The following ZMYND11 variants were observed in gnomAD, a reference collection of about 807,000 sequenced individuals.
The protein encoded by ZMYND11 is zinc finger MYND-type containing 11, also known as zinc finger MYND domain-containing protein 11.
A neutral mutation model predicts 84.9 loss-of-function variants in ZMYND11; 9 were observed. The ratio of observed to expected loss-of-function variants is 0.11; its 90% CI spans 0.06 to 0.18. ZMYND11 has a LOEUF of 0.18. Ranked by LOEUF, ZMYND11 falls within the 10% of genes least tolerant of loss-of-function variation. ZMYND11 has a pLI of 1.00. For synonymous variants in ZMYND11, 250 were observed against 244.1 expected (o/e 1.02, Z -0.23); for missense variants, 409 against 761.0 (o/e 0.54, Z 5.44).
intron 2 of ZMYND11, among the ~76,000 whole-genome samples, chr10:194,394 A>G (rs971855029): frequency 1.3e-5 from 2 of 152,166 alleles, no homozygotes; most frequent in African/African-American, 2.4e-5. Flanking sequence ...CAAAACTACA[A>G]TATCCTTTCA....
chr10:154,469 T>G (rs1156722907), intron 1 of ZMYND11, among the ~76,000 whole-genome samples: 1 of 152,086 alleles, frequency 6.6e-6, no homozygotes, highest in African/African-American at 2.4e-5. Context: ...TATTACAGTA[T>G]GAGAATTGAA....
At chr10:233,526 C>T (rs61578244) in intron 4 of ZMYND11, among the ~76,000 whole-genome samples, 2 of 152,200 alleles carry the variant, frequency 1.3e-5, no homozygotes, top group African/African-American at 4.8e-5. Context: ...CTGAATGGTG[C>T]TCTGTTAAAA....
At chr10:200,114 T>C (rs1942778487) in intron 2 of ZMYND11, among the ~76,000 whole-genome samples, 1 of 151,396 alleles carries the variant, frequency 6.6e-6, no homozygotes, top group Admixed American at 6.6e-5. Context: ...TTTCTTTTTC[T>C]AAAACACTCT....
At chr10:207,401 G>A (rs542508142) in intron 2 of ZMYND11, among the ~76,000 whole-genome samples, 2 of 152,156 alleles carry the variant, frequency 1.3e-5, no homozygotes, top group African/African-American at 4.8e-5. Context: ...CTAGATCCCT[G>A]GGGAATCGCC....
intron 1 of ZMYND11, among the ~76,000 whole-genome samples, chr10:174,218 A>G (rs781873149): frequency 3.3e-5 from 5 of 152,210 alleles, no homozygotes; most frequent in African/African-American, 7.2e-5. Flanking sequence ...TTCAGTACTA[A>G]AAAGTAACAG....
intron 1 of ZMYND11, among the ~76,000 whole-genome samples, chr10:176,224 C>A (rs75200321): frequency 4.2e-4 from 64 of 152,162 alleles, no homozygotes; most frequent in African/African-American, 1.5e-3. Context: ...TAGAGAATAT[C>A]AGTATCACCT....
At chr10:242,173 T>C (rs1355759229) in intron 10 of ZMYND11, 34 bp downstream of exon 10, 18 of 1,611,392 alleles carry the variant, frequency 1.1e-5, no homozygotes, top group Non-Finnish European at 1.5e-5. Context: ...CGGTCACAGC[T>C]GTGCTTATGA....
chr10:241,281 G>A (rs1179797130), intron 9 of ZMYND11, among the ~76,000 whole-genome samples: 1 of 152,122 alleles, frequency 6.6e-6, no homozygotes, highest in East Asian at 1.9e-4. Context: ...AGGCTCAAGT[G>A]ATTCTCCCAC....
At position 253,549 on chromosome 10, in the gene ZMYND11, G is replaced by A. The variant is rs570462703; in HGVS notation, c.*1079G>A. On this transcript the variant is annotated 3_prime_UTR_variant, in exon 15 of 15. Coordinates refer to ENST00000381604, the MANE Select transcript of ZMYND11 (RefSeq NM_001370100.5). Reference sequence around the variant, plus strand: ...GATTTGTAAAAAGTCTGTATTTTGCGGAATGTCTGGATTAAGAAGCATTAC... The same window carrying A: ...GATTTGTAAAAAGTCTGTATTTTGCAGAATGTCTGGATTAAGAAGCATTAC... 2.0e-5 allele frequency: 3 copies of A among 152,610 alleles called. No individual in the cohort carries two copies. The highest frequency in any genetic ancestry group is 1.3e-4 in the Admixed American group (2 of 15,294). 9.5% of individuals were successfully genotyped at this position (152,610 alleles called of 1,614,324 possible).
At chr10:169,825 T>C (rs1210302728) in intron 1 of ZMYND11, among the ~76,000 whole-genome samples, 1 of 152,004 alleles carries the variant, frequency 6.6e-6, no homozygotes, top group Non-Finnish European at 1.5e-5. Flanking sequence ...AGATGTAATA[T>C]ATGTATAATG....
At chr10:232,857 A>G (rs1949238722) in intron 4 of ZMYND11, among the ~76,000 whole-genome samples, 1 of 152,244 alleles carries the variant, frequency 6.6e-6, no homozygotes, top group African/African-American at 2.4e-5. Context: ...CATATAAATG[A>G]GAGAAGTATT....
chr10:178,819 C>T (rs544969972), intron 1 of ZMYND11, among the ~76,000 whole-genome samples: 24 of 152,114 alleles, frequency 1.6e-4, no homozygotes, highest in Admixed American at 1.3e-3. Flanking sequence ...CCTGACTGAC[C>T]CAGTTTTCTC....
intron 4 of ZMYND11, among the ~76,000 whole-genome samples, chr10:235,094 C>A (rs1181860527): frequency 1.3e-5 from 2 of 152,106 alleles, no homozygotes; most frequent in East Asian, 3.9e-4. Context: ...TTCGCCATTG[C>A]ACGTATTTCA....
At chr10:211,373 C>T (rs1220528668) in intron 3 of ZMYND11, among the ~76,000 whole-genome samples, 2 of 151,966 alleles carry the variant, frequency 1.3e-5, no homozygotes, top group Non-Finnish European at 2.9e-5. Context: ...ATCATAAATT[C>T]TCTAAAATCT....
intron 1 of ZMYND11, among the ~76,000 whole-genome samples, chr10:139,869 G>A (rs1837096233): frequency 6.6e-6 from 1 of 151,856 alleles, no homozygotes; most frequent in South Asian, 2.1e-4. Flanking sequence ...GAGCCACCAC[G>A]CCTGGCTAAT....
At chr10:210,117 C>G (rs1944926385) in intron 3 of ZMYND11, 69 bp downstream of exon 3, 2 of 1,502,080 alleles carry the variant, frequency 1.3e-6, no homozygotes, top group Non-Finnish European at 9.1e-7. Flanking sequence ...TTAGATACAA[C>G]CTATAGAAAA....
chr10:238,274 T>C (rs1950304764), intron 6 of ZMYND11, among the ~76,000 whole-genome samples: 1 of 152,224 alleles, frequency 6.6e-6, no homozygotes, highest in African/African-American at 2.4e-5. Flanking sequence ...TCATGTGTCA[T>C]GTTGGAAATT....
At chr10:187,085 C>G (rs1261100494) in intron 2 of ZMYND11, among the ~76,000 whole-genome samples, 1 of 151,848 alleles carries the variant, frequency 6.6e-6, no homozygotes, top group African/African-American at 2.4e-5. Context: ...AAAAATTAGC[C>G]AAGCATGGTG....
intron 2 of ZMYND11, among the ~76,000 whole-genome samples, chr10:187,473 A>C (rs1938976658): frequency 6.6e-6 from 1 of 151,616 alleles, no homozygotes; most frequent in Non-Finnish European, 1.5e-5. Context: ...TCTCTACTAA[A>C]AATACAAAAA....
Sources: allele counts gnomAD v4.1 joint callset (sites outside exome capture counted in the v4.1 genomes callset), GRCh38; gene constraint gnomAD v4.1.1; transcripts MANE v1.5; gene names NCBI Gene and HGNC (gene_info 2026-07-23, HGNC 2026-07-21).